The following EDIL3 variants were observed in gnomAD, a reference collection of about 807,000 sequenced individuals.
EDIL3 encodes EGF like and discoidin domains 3.
Under a neutral mutation model 67.4 loss-of-function variants are expected in EDIL3, and 37 were observed. That is an observed-to-expected ratio of 0.55 (90% confidence interval 0.42 to 0.72). The LOEUF is 0.72. Among genes scored for constraint, EDIL3 ranks in the 30% least tolerant of loss-of-function variants. EDIL3 has a pLI of 0.00. For synonymous variants in EDIL3, 195 were observed against 196.3 expected, an observed-to-expected ratio of 0.99 and a Z score of 0.05; for missense variants, 527 against 586.3, an observed-to-expected ratio of 0.90 and a Z score of 1.04.
At chr5:84,129,158 T>C (rs1009528976) in intron 5 of EDIL3, among the ~76,000 whole-genome samples, 47 of 152,278 alleles carry the variant, frequency 3.1e-4, no homozygotes, top group Admixed American at 1.4e-3. Context: ...TGAAGGAAGA[T>C]AGAACTTCCA....
chr5:84,002,113 A>G (rs1031743249), intron 9 of EDIL3, among the ~76,000 whole-genome samples: 1 of 152,210 alleles, frequency 6.6e-6, no homozygotes, highest in Non-Finnish European at 1.5e-5. Context: ...CAAGAATGCA[A>G]GGATGGTTTA....
intron 7 of EDIL3, among the ~76,000 whole-genome samples, 184 bp from the exon 8 acceptor site, chr5:84,065,028 T>A (rs1430782723): frequency 6.6e-6 from 1 of 152,230 alleles, no homozygotes; most frequent in African/African-American, 2.4e-5. Flanking sequence ...CATAAACTCC[T>A]AATTAAAGCC....
At chr5:84,090,667 G>T (rs1035835377) in intron 6 of EDIL3, among the ~76,000 whole-genome samples, 2 of 152,046 alleles carry the variant, frequency 1.3e-5, no homozygotes, top group South Asian at 4.2e-4. Flanking sequence ...TCAAATTTTG[G>T]CCAGGCATGG....
At chr5:84,046,865 T>C (rs1746233394) in intron 9 of EDIL3, among the ~76,000 whole-genome samples, 1 of 152,192 alleles carries the variant, frequency 6.6e-6, no homozygotes, top group Non-Finnish European at 1.5e-5. Flanking sequence ...TCTTTTAATT[T>C]CTGTCGTGGT....
intron 1 of EDIL3, among the ~76,000 whole-genome samples, chr5:84,260,605 T>A (rs914941482): frequency 6.6e-6 from 1 of 152,206 alleles, no homozygotes; most frequent in African/African-American, 2.4e-5. Context: ...TGAATTTACA[T>A]GTTGAACTCT....
At chr5:84,225,326 T>C (rs1744428384) in intron 3 of EDIL3, among the ~76,000 whole-genome samples, 1 of 151,662 alleles carries the variant, frequency 6.6e-6, no homozygotes, top group African/African-American at 2.4e-5. Context: ...TGCAAGGCAA[T>C]TTAGAAGTTC....
intron 6 of EDIL3, among the ~76,000 whole-genome samples, chr5:84,069,827 G>T (rs546527304): frequency 6.6e-6 from 1 of 151,966 alleles, no homozygotes; most frequent in African/African-American, 2.4e-5. Context: ...CACCTGTCCC[G>T]CCACACCCCA....
intron 6 of EDIL3, chr5:84,078,551 G>T (rs1199870726): frequency 3.9e-5 from 6 of 152,158 alleles, no homozygotes; most frequent in Non-Finnish European, 1.5e-5. Flanking sequence ...ACTAGGTTGG[G>T]CTCACATAGA....
At chr5:84,272,087 C>T (rs1454518992) in intron 1 of EDIL3, among the ~76,000 whole-genome samples, 2 of 152,176 alleles carry the variant, frequency 1.3e-5, no homozygotes, top group Non-Finnish European at 1.5e-5. Context: ...AATAACAACG[C>T]TCACACTTAG....
chr5:84,120,100 T>C (rs189415320), intron 5 of EDIL3, among the ~76,000 whole-genome samples: 3 of 152,044 alleles, frequency 2.0e-5, no homozygotes, highest in East Asian at 1.9e-4. Flanking sequence ...AAGTGTCACA[T>C]AAAGAAAGTA....
chr5:84,052,174 A>G (rs1323667568), intron 9 of EDIL3, among the ~76,000 whole-genome samples: 1 of 152,222 alleles, frequency 6.6e-6, no homozygotes, highest in Non-Finnish European at 1.5e-5. Flanking sequence ...TAAAGAAAAG[A>G]ATTTTCAACC....
chr5:84,344,992 T>C (rs1747208040), intron 1 of EDIL3, among the ~76,000 whole-genome samples: 2 of 152,314 alleles, frequency 1.3e-5, no homozygotes, highest in Middle Eastern at 3.4e-3. Context: ...TGTAATTGCT[T>C]ACAAAGCATT....
intron 4 of EDIL3, among the ~76,000 whole-genome samples, chr5:84,141,604 G>C (rs1189066920): frequency 6.7e-6 from 1 of 148,198 alleles, no homozygotes; most frequent in Non-Finnish European, 1.5e-5. Context: ...GGAAGACAGA[G>C]GACAGAAAAT....
chr5:84,201,231 C>A (rs1425358165), intron 3 of EDIL3, among the ~76,000 whole-genome samples: 1 of 151,934 alleles, frequency 6.6e-6, no homozygotes, highest in Non-Finnish European at 1.5e-5. Context: ...GTAGGGGTAT[C>A]AATTTCTTGT....
intron 5 of EDIL3, among the ~76,000 whole-genome samples, chr5:84,108,614 G>A (rs952151322): frequency 5.3e-5 from 8 of 152,174 alleles, no homozygotes; most frequent in South Asian, 2.1e-4. Context: ...CCCTTATTTT[G>A]CTTTCCATTT....
intron 3 of EDIL3, among the ~76,000 whole-genome samples, chr5:84,217,701 A>G (rs916700224): frequency 2.8e-5 from 4 of 142,040 alleles, no homozygotes; most frequent in African/African-American, 1.1e-4. Context: ...CTACTTACCC[A>G]TCTATCTATT....
intron 1 of EDIL3, among the ~76,000 whole-genome samples, chr5:84,320,790 G>C (rs1424137062): frequency 6.6e-6 from 1 of 152,062 alleles, no homozygotes; most frequent in Non-Finnish European, 1.5e-5. Context: ...AACAAACAAA[G>C]GGCCTAGCTT....
intron 9 of EDIL3, among the ~76,000 whole-genome samples, chr5:84,019,399 G>T (rs2078763856): frequency 6.6e-6 from 1 of 152,038 alleles, no homozygotes; most frequent in South Asian, 2.1e-4. Flanking sequence ...GTTGTGGGGT[G>T]GGGGGAGTGG....
At chr5:84,170,774 CTATTT>C (rs998000188) in intron 4 of EDIL3, among the ~76,000 whole-genome samples, 31 of 151,926 alleles carry the variant, frequency 2.0e-4, no homozygotes, top group South Asian at 1.5e-3. Context: ...TGAATCGGTT[CTATTT>C]TATTTTATTT....
Sources: allele counts gnomAD v4.1 joint callset (sites outside exome capture counted in the v4.1 genomes callset), GRCh38; gene constraint gnomAD v4.1.1; transcripts MANE v1.5; gene names NCBI Gene and HGNC (gene_info 2026-07-23, HGNC 2026-07-21).